Variants in BRAF observed in about 807,000 individuals in gnomAD.
BRAF encodes the protein serine/threonine-protein kinase B-raf.
Under a neutral mutation model 104.6 loss-of-function variants are expected in BRAF, and 16 were observed. The ratio of observed to expected loss-of-function variants is 0.15; its 90% CI spans 0.10 to 0.23. The LOEUF (loss-of-function observed/expected upper bound fraction) is 0.23, where lower values mean the gene tolerates loss of function less well. BRAF is among the 10% of genes least tolerant of loss of function. BRAF has a pLI of 1.00. For synonymous variants in BRAF, 310 were observed against 341.6 expected, an observed-to-expected ratio of 0.91 and a Z score of 1.02; for missense variants, 541 against 937.3, an observed-to-expected ratio of 0.58 and a Z score of 5.52.
intron 1 of BRAF, among the ~76,000 whole-genome samples, chr7:140,870,017 G>A (rs1265562126): frequency 6.6e-6 from 1 of 152,198 alleles, no homozygotes; most frequent in Non-Finnish European, 1.5e-5. Context: ...GGGCAAGGGG[G>A]AAAGGAAGGA....
chr7:140,807,132 C>A (rs1803737593), intron 5 of BRAF, among the ~76,000 whole-genome samples: 1 of 152,106 alleles, frequency 6.6e-6, no homozygotes, highest in Non-Finnish European at 1.5e-5. Flanking sequence ...ACATTCCGGG[C>A]CTTATGCTGG....
chr7:140,744,648 A>C (rs1797203227), intron 17 of BRAF, among the ~76,000 whole-genome samples: 1 of 152,192 alleles, frequency 6.6e-6, no homozygotes, highest in Admixed American at 6.5e-5. Context: ...ACCTCTTTAA[A>C]AATGAAATAT....
At position 140,726,142 on chromosome 7, in the gene BRAF, G is replaced by A; in HGVS notation, c.*352C>T. 2 of 1,121,794 alleles carry A rather than the reference G, an allele frequency of 1.8e-6. No homozygotes were observed. Among genetic ancestry groups the A allele is most frequent in the Non-Finnish European group, 2.2e-6 (2 of 916,670 alleles). The allele number at this position is 1,121,794 out of a possible 1,614,324, so 69.5% of individuals were successfully genotyped here. On this transcript the variant is annotated 3_prime_UTR_variant, in exon 20 of 20. Coordinates refer to ENST00000644969, the MANE Select transcript of BRAF (RefSeq NM_001374258.1). The stretch of plus-strand genomic sequence containing the variant: ...GGTGGTTAGAAGGGCAAAGTTGACT[G>A]GCAGACTTTCCATAGCAAATCTCCC...
chr7:140,906,087 C>CAAAAAAAAAA (rs61150735), intron 1 of BRAF, among the ~76,000 whole-genome samples: 1,328 of 44,570 alleles, frequency 0.03, 63 homozygotes, highest in Non-Finnish European at 0.046. Context: ...GACTCCGTCT[C>CAAAAAAAAAA]AAAAAAAAAA....
intron 17 of BRAF, among the ~76,000 whole-genome samples, chr7:140,742,002 C>T (rs1434157778): frequency 1.3e-5 from 2 of 151,942 alleles, no homozygotes; most frequent in Non-Finnish European, 2.9e-5. Context: ...CCACTACCTC[C>T]AGTATTTAAC....
chr7:140,730,224 T>G (rs1254516308), intron 19 of BRAF, among the ~76,000 whole-genome samples: 1 of 151,878 alleles, frequency 6.6e-6, no homozygotes, highest in Non-Finnish European at 1.5e-5. Context: ...ACTCTGCTTG[T>G]GTGAAGTTAT....
Position 140,804,533 on chromosome 7 carries a change from C to G in BRAF, c.712-2973G>C, listed in dbSNP as rs1803461874. 1.3e-5 allele frequency among the ~76,000 whole-genome samples: 2 copies of G among 152,076 alleles called. 1 individual carries two copies. Among genetic ancestry groups the G allele is most frequent in the South Asian group, 4.1e-4 (2 of 4,824 alleles). On this transcript the variant is annotated intron_variant, in intron 5 of 19. Coordinates refer to ENST00000644969, the MANE Select transcript of BRAF (RefSeq NM_001374258.1). ...TGAGACAGGATTTTACCAGGCTGGC[C>G]AGGCTGGTCTTGAACTCCTGACCTC...
At position 140,724,495 on chromosome 7, in the gene BRAF, CCTG is replaced by C. The variant is rs1401830965; in HGVS notation, c.*1996_*1998del. The C allele has an allele frequency of 1.5e-5, 16 of 1,052,010 alleles. No individual in the cohort carries two copies. The highest frequency in any genetic ancestry group is 9.1e-5 in the South Asian group (2 of 21,870). 65.2% of individuals were successfully genotyped at this position (1,052,010 alleles called of 1,614,324 possible). ...ATTTCTGAATTTTGTAAGACACTGC[CCTG>C]CTGATGTAAAACTTAAAAACAAATT... is the stretch of plus-strand genomic sequence containing the variant. On this transcript the variant is annotated 3_prime_UTR_variant, in exon 20 of 20. Transcript: ENST00000644969.
At chr7:140,767,204 A>G (rs964023174) in intron 14 of BRAF, among the ~76,000 whole-genome samples, 19 of 151,248 alleles carry the variant, frequency 1.3e-4, no homozygotes, top group Admixed American at 1.3e-3. Context: ...GGGTTCCACT[A>G]TGTTGCTCAG....
chr7:140,910,604 AT>A (rs1816856436), intron 1 of BRAF, among the ~76,000 whole-genome samples: 1 of 152,110 alleles, frequency 6.6e-6, no homozygotes, highest in Non-Finnish European at 1.5e-5. Context: ...CTTCCTTACC[AT>A]CCCCAGTTCT....
At chr7:140,789,111 A>T (rs960590774) in intron 8 of BRAF, among the ~76,000 whole-genome samples, 1 of 151,868 alleles carries the variant, frequency 6.6e-6, no homozygotes, top group Non-Finnish European at 1.5e-5. Context: ...CAGGAGGCTG[A>T]GGCAGGAGAA....
chr7:140,781,450 A>C, intron 12 of BRAF, 126 bp downstream of exon 11: 1 of 1,015,466 alleles, frequency 9.8e-7, no homozygotes, highest in South Asian at 1.3e-5. Flanking sequence ...GGAGTCCTGA[A>C]ACTAATCAAA....
Position 140,721,385 on chromosome 7 carries a change from C to G in BRAF, c.*5109G>C. The stretch of plus-strand genomic sequence containing the variant: ...CCACATTAAAAATACCTGATAGGAA[C>G]TGTTAATTACCCTTTCCACAATTAA... On this transcript the variant is annotated 3_prime_UTR_variant, in exon 20 of 20. Transcript: ENST00000644969. 4.1e-6 allele frequency: 5 copies of G among 1,229,340 alleles called. No individual in the cohort carries two copies. The highest frequency in any genetic ancestry group is 4.1e-6 in the Non-Finnish European group (4 of 986,128). The allele number at this position is 1,229,340 out of a possible 1,614,324, so 76.2% of individuals were successfully genotyped here. A position where few individuals can be genotyped will look rare whatever the true frequency, so the allele number is the denominator to read the frequency against.
intron 10 of BRAF, chr7:140,785,635 T>C (rs1801279725): frequency 5.0e-6 from 2 of 398,488 alleles, no homozygotes; most frequent in Non-Finnish European, 8.9e-6. Context: ...ACAGCATCTG[T>C]AGTTTTATAT....
intron 1 of BRAF, among the ~76,000 whole-genome samples, chr7:140,905,854 C>T (rs927458122): frequency 1.5e-4 from 22 of 151,582 alleles, no homozygotes; most frequent in Admixed American, 6.6e-4. Context: ...TTTGGGAGGC[C>T]GAGGCGGGCG....
At chr7:140,758,394 A>G (rs1798379721) in intron 14 of BRAF, 1 of 152,208 alleles carries the variant, frequency 6.6e-6, no homozygotes, top group South Asian at 2.1e-4. Context: ...TAAAGTTCAC[A>G]TATTTTAAAG....
chr7:140,792,222 C>T (rs1448207145), intron 8 of BRAF, among the ~76,000 whole-genome samples: 1 of 152,140 alleles, frequency 6.6e-6, no homozygotes, highest in African/African-American at 2.4e-5. Flanking sequence ...GTCTGAAATA[C>T]TGTAAAAACC....
Position 140,781,711 on chromosome 7 carries a change from A to C in BRAF, c.1435-18T>G, listed in dbSNP as rs6959000. ...AGTGTTTTCTTGATAAAAACAGTAA[A>C]AAAGTCAAGTCAAGCCAAACAGAAA... On this transcript the variant is annotated intron_variant, in intron 11 of 19. Transcript: ENST00000644969. 2,350 of 1,603,110 alleles carry C rather than the reference A, an allele frequency of 1.5e-3. 30 individuals carry two copies. In the African/African-American group the frequency reaches 0.028, roughly 19 times the overall value.
At chr7:140,896,881 A>AC (rs1814975106) in intron 1 of BRAF, among the ~76,000 whole-genome samples, 2 of 146,246 alleles carry the variant, frequency 1.4e-5, no homozygotes, top group Non-Finnish European at 3.0e-5. Flanking sequence ...AAAAAAAAAA[A>AC]AGGGGTGGGG....
Sources: allele counts gnomAD v4.1 joint callset (sites outside exome capture counted in the v4.1 genomes callset), GRCh38; gene constraint gnomAD v4.1.1; transcripts MANE v1.5; gene names NCBI Gene and HGNC (gene_info 2026-07-23, HGNC 2026-07-21).